TTC28: variants seen among roughly 807,000 people sequenced by gnomAD.
TTC28 encodes tetratricopeptide repeat protein 28.
Under a neutral mutation model 198.0 loss-of-function variants are expected in TTC28, and 61 were observed. That is an observed-to-expected ratio of 0.31 (90% CI 0.25 to 0.38). TTC28 has a LOEUF of 0.38. TTC28 is among the 10% of genes least tolerant of loss of function. The probability of loss-of-function intolerance (pLI) is 1.00; values close to 1 mark genes in which losing one functional copy is unlikely to be tolerated. For synonymous variants in TTC28, 1,171 were observed against 1,297.8 expected (o/e 0.90, Z 2.10); for missense variants, 2,678 against 3,164.0 (o/e 0.85, Z 3.69).
At chr22:28,429,300 C>A (rs996370435) in intron 2 of TTC28, among the ~76,000 whole-genome samples, 5 of 152,150 alleles carry the variant, frequency 3.3e-5, no homozygotes, top group African/African-American at 9.7e-5. Context: ...GGCTTCTGAT[C>A]GCTGAAAAAT....
At chr22:28,673,594 G>A (rs2051926016) in intron 1 of TTC28, among the ~76,000 whole-genome samples, 1 of 151,944 alleles carries the variant, frequency 6.6e-6, no homozygotes, top group Non-Finnish European at 1.5e-5. Flanking sequence ...GTATCACTTT[G>A]GTAAAGATGA....
At chr22:28,393,108 C>T (rs1054364754) in intron 2 of TTC28, among the ~76,000 whole-genome samples, 2 of 151,996 alleles carry the variant, frequency 1.3e-5, no homozygotes, top group East Asian at 1.9e-4. Context: ...GTCTCAAACT[C>T]CTGGGCTCAA....
chr22:28,107,521 C>T lies in TTC28; in HGVS notation c.2324G>A (p.Gly775Asp). The T allele has an allele frequency of 6.4e-7, 1 of 1,551,812 alleles. No individual in the cohort carries two copies. The highest frequency in any genetic ancestry group is 8.7e-7 in the Non-Finnish European group (1 of 1,147,040). ...TACCTCCAGTTCCTGTGTGTGATAA[C>T]CCAGGGCCTTGTCATACTTCTGGAT... is the stretch of plus-strand genomic sequence containing the variant. The part of the protein sequence containing the change: ...RMIQKYDKAL[G>D]YHTQELEVYQ... The change falls in exon 7 of 23, where the codon GGT becomes GAT. Residue 775 changes from glycine to aspartate, a missense_variant. By Grantham distance (94) the Gly-to-Asp change is moderately conservative (BLOSUM62 -1). This residue lies in a region of TTC28 where 775 missense variants were observed against 845.9 expected (regional missense o/e 0.92). Transcript: ENST00000397906.
At chr22:28,156,806 A>C (rs916236849) in intron 6 of TTC28, among the ~76,000 whole-genome samples, 4 of 152,328 alleles carry the variant, frequency 2.6e-5, no homozygotes, top group African/African-American at 9.6e-5. Flanking sequence ...GGGATGCAGC[A>C]AAAGCAGTAT....
rs371733713 is a variant in TTC28, at chr22:28,417,426, G to C, written c.382-110783C>G. ...GGAGTTCAAGACTACAGTGAGCTAT[G>C]ACCATATCACTGCACTCCAGCCTGG... On this transcript the variant is annotated intron_variant, in intron 2 of 22. Transcript: ENST00000397906. Among the ~76,000 whole-genome samples, 19 of 151,306 alleles carry C rather than the reference G, an allele frequency of 1.3e-4. No individual in the cohort carries two copies. In the East Asian group the frequency reaches 3.5e-3, roughly 28 times the overall value.
intron 3 of TTC28, among the ~76,000 whole-genome samples, chr22:28,301,604 T>C (rs912386149): frequency 2.0e-5 from 3 of 152,320 alleles, no homozygotes; most frequent in Admixed American, 6.5e-5. Context: ...ATCTCTGAAT[T>C]TGGGATTTAA....
chr22:28,429,796 G>A (rs1036252366), intron 2 of TTC28, among the ~76,000 whole-genome samples: 4 of 152,108 alleles, frequency 2.6e-5, no homozygotes, highest in African/African-American at 9.7e-5. Context: ...CAGAGACACA[G>A]CATTCCTTTT....
At chr22:28,238,613 C>G (rs1169775614) in intron 5 of TTC28, among the ~76,000 whole-genome samples, 2 of 152,148 alleles carry the variant, frequency 1.3e-5, no homozygotes, top group Non-Finnish European at 2.9e-5. Flanking sequence ...ATAGCCTTTA[C>G]CAGGGCTGTT....
At chr22:28,444,129 T>C (rs1442106577) in intron 2 of TTC28, among the ~76,000 whole-genome samples, 2 of 152,196 alleles carry the variant, frequency 1.3e-5, no homozygotes, top group Non-Finnish European at 2.9e-5. Context: ...GAGATACATC[T>C]ACAAATATAA....
intron 2 of TTC28, among the ~76,000 whole-genome samples, chr22:28,386,405 G>C (rs568507930): frequency 1.3e-5 from 2 of 151,836 alleles, no homozygotes; most frequent in East Asian, 3.9e-4. Flanking sequence ...CTCATGATGG[G>C]CAGGGACCAC....
intron 12 of TTC28, among the ~76,000 whole-genome samples, chr22:28,033,203 G>A (rs992670366): frequency 6.6e-6 from 1 of 152,148 alleles, no homozygotes; most frequent in Non-Finnish European, 1.5e-5. Context: ...GCTTAATGGG[G>A]TTGTTTCCTA....
At chr22:28,331,190 GA>G in intron 2 of TTC28, among the ~76,000 whole-genome samples, 1 of 152,230 alleles carries the variant, frequency 6.6e-6, no homozygotes, top group African/African-American at 2.4e-5. Flanking sequence ...TAAGGCTCCT[GA>G]AGCTGATAAA....
At chr22:28,536,660 C>G (rs1226242085) in intron 2 of TTC28, among the ~76,000 whole-genome samples, 4 of 152,088 alleles carry the variant, frequency 2.6e-5, no homozygotes, top group Admixed American at 2.6e-4. Flanking sequence ...TACTGAGAAG[C>G]ACTGAATAAA....
chr22:28,038,092 C>T (rs1354677452), intron 12 of TTC28, among the ~76,000 whole-genome samples: 1 of 152,146 alleles, frequency 6.6e-6, no homozygotes, highest in Non-Finnish European at 1.5e-5. Flanking sequence ...GGCCATACTG[C>T]CCAAGGTAAT....
At position 28,604,652 on chromosome 22, in the gene TTC28, G is replaced by A. The variant is rs973065373; in HGVS notation, c.381+24900C>T. ...CCAGCTACTCAGGAAGCTGAGGCAG[G>A]AGAACTGCTTGAACCCGGGAGGCAG... On this transcript the variant is annotated intron_variant, in intron 2 of 22. Coordinates refer to ENST00000397906, the MANE Select transcript of TTC28 (RefSeq NM_001145418.2). 1.2e-4 allele frequency among the ~76,000 whole-genome samples: 18 copies of A among 152,190 alleles called. No homozygotes were observed. In the Middle Eastern group the frequency reaches 0.01, roughly 86 times the overall value.
intron 2 of TTC28, among the ~76,000 whole-genome samples, chr22:28,501,173 A>C (rs942989487): frequency 2.0e-5 from 3 of 152,212 alleles, no homozygotes; most frequent in Non-Finnish European, 4.4e-5. Flanking sequence ...CTGTTCTCAA[A>C]GAATTCACAA....
rs185671904 is a variant in TTC28 at position 28,109,223 on chromosome 22, A to G, written c.1442-820T>C. On this transcript the variant is annotated intron_variant, in intron 6 of 22. Coordinates refer to ENST00000397906, the MANE Select transcript of TTC28 (RefSeq NM_001145418.2). The stretch of plus-strand genomic sequence containing the variant: ...TAAATGTGAAACACTGGGGGATTGT[A>G]TAAGTACATTTTGGTATATCAACTC... Among the ~76,000 whole-genome samples the G allele has an allele frequency of 9.3e-4, 142 of 152,388 alleles. 1 individual carries two copies. The highest frequency in any genetic ancestry group is 3.2e-3 in the African/African-American group (135 of 41,598).
chr22:28,391,541 C>G (rs1263187965), intron 2 of TTC28, among the ~76,000 whole-genome samples: 1 of 152,150 alleles, frequency 6.6e-6, no homozygotes, highest in African/African-American at 2.4e-5. Context: ...TTGCTCGTTT[C>G]TTTTTATTCT....
At chr22:28,347,104 A>G (rs2145921437) in intron 2 of TTC28, among the ~76,000 whole-genome samples, 1 of 152,058 alleles carries the variant, frequency 6.6e-6, no homozygotes, top group East Asian at 1.9e-4. Flanking sequence ...CTCCCCCAAA[A>G]AATACAAAAA....
Sources: gnomAD v4.1 joint callset for allele counts (sites outside exome capture counted in the v4.1 genomes callset) on GRCh38, gnomAD v4.1.1 for gene constraint, gnomAD v4.1.1 regional missense constraint, MANE v1.5 for transcripts, NCBI Gene and HGNC (gene_info 2026-07-23, HGNC 2026-07-21) for gene names.